The following NRXN3 variants were observed in gnomAD, a reference collection of about 807,000 sequenced individuals.
NRXN3 encodes the protein neurexin III.
In NRXN3, 32 loss-of-function variants were observed where a neutral mutation model predicts 137.6. That is an observed-to-expected ratio of 0.23 (90% CI 0.18 to 0.31). The LOEUF is 0.31. Among genes scored for constraint, NRXN3 ranks in the 10% least tolerant of loss-of-function variants. The pLI is 1.00. For synonymous variants in NRXN3, 798 were observed against 784.5 expected (o/e 1.02, Z -0.29); for missense variants, 1,574 against 2,062.5 (o/e 0.76, Z 4.59).
At chr14:78,412,770 C>T (rs1347292724) in intron 4 of NRXN3, among the ~76,000 whole-genome samples, 7 of 152,106 alleles carry the variant, frequency 4.6e-5, no homozygotes, top group Non-Finnish European at 8.8e-5. Context: ...ATTCTGCTTT[C>T]CCTTTCTCTT....
chr14:78,446,019 G>T (rs138285864), intron 4 of NRXN3, among the ~76,000 whole-genome samples: 111 of 152,258 alleles, frequency 7.3e-4, no homozygotes, highest in African/African-American at 2.6e-3. Flanking sequence ...CACAGCTTCG[G>T]CATAGACCCC....
At chr14:78,882,467 T>C (rs534757871) in intron 10 of NRXN3, among the ~76,000 whole-genome samples, 1 of 151,916 alleles carries the variant, frequency 6.6e-6, no homozygotes, top group Admixed American at 6.5e-5. Flanking sequence ...AGCCCACCTC[T>C]TGCATCAGCA....
chr14:79,237,006 A>T (rs1295078545), intron 15 of NRXN3, among the ~76,000 whole-genome samples: 1 of 152,134 alleles, frequency 6.6e-6, no homozygotes, highest in Non-Finnish European at 1.5e-5. Flanking sequence ...CTGTTAAAAA[A>T]ATTCACTGCT....
At chr14:78,190,700 G>A (rs1356102464) in intron 1 of NRXN3, among the ~76,000 whole-genome samples, 1 of 151,638 alleles carries the variant, frequency 6.6e-6, no homozygotes, top group African/African-American at 2.4e-5. Context: ...TACTTACTGA[G>A]TCTCACTCTG....
chr14:78,736,141 A>T (rs2098540275), intron 8 of NRXN3, among the ~76,000 whole-genome samples: 1 of 121,120 alleles, frequency 8.3e-6, no homozygotes, highest in Non-Finnish European at 2.0e-5. Context: ...AGATCCATGT[A>T]TCTTATTCTG....
intron 4 of NRXN3, among the ~76,000 whole-genome samples, chr14:78,414,039 T>C (rs2092992427): frequency 6.6e-6 from 1 of 152,184 alleles, no homozygotes; most frequent in African/African-American, 2.4e-5. Flanking sequence ...ATGTAAGACA[T>C]GCCTTTGCTC....
intron 1 of NRXN3, among the ~76,000 whole-genome samples, chr14:78,203,808 G>C (rs1032060447): frequency 6.1e-5 from 5 of 81,732 alleles, no homozygotes; most frequent in Admixed American, 4.6e-4. Context: ...TTCCAGGTGT[G>C]TGTGTGTGTG....
intron 15 of NRXN3, among the ~76,000 whole-genome samples, chr14:79,411,757 C>G (rs958429444): frequency 6.6e-6 from 1 of 152,096 alleles, no homozygotes; most frequent in African/African-American, 2.4e-5. Context: ...ATTTATTCAA[C>G]AAGTAAACAA....
intron 15 of NRXN3, among the ~76,000 whole-genome samples, chr14:79,172,349 C>T (rs1214267363): frequency 6.6e-6 from 1 of 152,018 alleles, no homozygotes; most frequent in Admixed American, 6.6e-5. Flanking sequence ...TGAATGTATC[C>T]CTCATGTTTA....
chr14:79,835,908 A>G (rs1213605692), intron 20 of NRXN3, among the ~76,000 whole-genome samples: 4 of 152,148 alleles, frequency 2.6e-5, no homozygotes, highest in Admixed American at 6.6e-5. Flanking sequence ...GGAACAGCAC[A>G]GTATCCTACT....
intron 15 of NRXN3, among the ~76,000 whole-genome samples, chr14:79,039,427 T>C (rs149975422): frequency 1.1e-4 from 17 of 152,274 alleles, no homozygotes; most frequent in African/African-American, 3.1e-4. Flanking sequence ...TCCTTTTCTT[T>C]CTTCATATGA....
chr14:78,551,442 A>C (rs2096688077), intron 4 of NRXN3, among the ~76,000 whole-genome samples: 1 of 152,162 alleles, frequency 6.6e-6, no homozygotes, highest in East Asian at 1.9e-4. Context: ...CTGAACATTT[A>C]GTGACTCCCA....
rs1160210537 is a variant in NRXN3, at chr14:79,766,926, G to GT, written c.4015-38185dup. On this transcript the variant is annotated intron_variant, in intron 19 of 20. Transcript: ENST00000335750. ...TGGAAGTGGGTTTGCAAGCTGAGGA[G>GT]TAACAAGAAATAAGGCCGAATAGCA... Among the ~76,000 whole-genome samples the GT allele has an allele frequency of 5.3e-5, 8 of 152,258 alleles. No individual in the cohort carries two copies. In the East Asian group the frequency reaches 1.5e-3, roughly 29 times the overall value.
chr14:78,434,813 A>T (rs1202063240), intron 4 of NRXN3, among the ~76,000 whole-genome samples: 1 of 152,162 alleles, frequency 6.6e-6, no homozygotes, highest in Non-Finnish European at 1.5e-5. Context: ...AGAAGTGAAG[A>T]AAATGCAGAG....
At chr14:78,235,496 A>G (rs1284825265) in intron 1 of NRXN3, among the ~76,000 whole-genome samples, 2 of 151,940 alleles carry the variant, frequency 1.3e-5, no homozygotes, top group East Asian at 3.9e-4. Context: ...TATATAACTC[A>G]TGTGTATCTC....
chr14:79,636,078 T>C (rs544374406), intron 16 of NRXN3, among the ~76,000 whole-genome samples: 1 of 152,290 alleles, frequency 6.6e-6, no homozygotes, highest in East Asian at 1.9e-4. Flanking sequence ...CTTCACATGG[T>C]GTTTCTTTCT....
chr14:78,697,594 G>A (rs1019120539), intron 6 of NRXN3, among the ~76,000 whole-genome samples: 6 of 151,946 alleles, frequency 3.9e-5, no homozygotes, highest in Non-Finnish European at 7.4e-5. Context: ...TTTACTAAAG[G>A]TAATGCAAAC....
intron 20 of NRXN3, among the ~76,000 whole-genome samples, chr14:79,835,789 G>C (rs1193359647): frequency 6.6e-6 from 1 of 152,182 alleles, no homozygotes; most frequent in Non-Finnish European, 1.5e-5. Context: ...TTCTGTGCAA[G>C]TATAAGGATT....
chr14:78,784,817 C>T (rs887275025), intron 8 of NRXN3, among the ~76,000 whole-genome samples: 1 of 152,006 alleles, frequency 6.6e-6, no homozygotes, highest in African/African-American at 2.4e-5. Context: ...AGTCAATGAG[C>T]CTTGCGTGTT....
Sources: allele counts gnomAD v4.1 joint callset (sites outside exome capture counted in the v4.1 genomes callset), GRCh38; gene constraint gnomAD v4.1.1; transcripts MANE v1.5; gene names NCBI Gene and HGNC (gene_info 2026-07-23, HGNC 2026-07-21).